Variants in SLC5A2 observed in about 807,000 individuals in gnomAD.
SLC5A2 encodes the protein solute carrier family 5 member 2, also known as sodium/glucose cotransporter 2.
In SLC5A2, 67 loss-of-function variants were observed where a neutral mutation model predicts 69.0. The ratio of observed to expected loss-of-function variants is 0.97; its 90% confidence interval spans 0.80 to 1.19. SLC5A2 has a LOEUF of 1.19. SLC5A2 is among the 50% of genes most tolerant of loss of function. SLC5A2 has a pLI of 0.00. For synonymous variants in SLC5A2, 455 were observed against 395.8 expected (o/e 1.15, Z -1.78); for missense variants, 1,001 against 921.5 (o/e 1.09, Z -1.12).
At position 31,489,471 on chromosome 16, in the gene SLC5A2, G is replaced by C. The variant is rs948153024; in HGVS notation, c.1665+133G>C. The C allele has an allele frequency of 5.5e-5, 43 of 784,684 alleles. No individual in the cohort carries two copies. The African/African-American group carries it at 7.2e-4, about 13-fold the overall frequency. 48.6% of individuals were successfully genotyped at this position (784,684 alleles called of 1,614,324 possible). A position where few individuals can be genotyped will look rare whatever the true frequency, so the allele number is the denominator to read the frequency against. ...ATGGGCTGGGGGTCCAGCTGCAGTT[G>C]CAATTGCCGAGCAAGAATTTTTATT... On this transcript the variant is annotated intron_variant, in intron 12 of 13. Coordinates refer to ENST00000330498, the MANE Select transcript of SLC5A2 (RefSeq NM_003041.4).
rs775853950 is a variant in SLC5A2, at chr16:31,484,752, G to A, written c.198+8G>A. The A allele has an allele frequency of 6.2e-6, 10 of 1,610,482 alleles. No homozygotes were observed. Among genetic ancestry groups the A allele is most frequent in the East Asian group, 2.2e-5 (1 of 44,896 alleles). On this transcript the variant is annotated splice_region_variant and intron_variant, in intron 2 of 13. Coordinates refer to ENST00000330498, the MANE Select transcript of SLC5A2 (RefSeq NM_003041.4). ...AGCATGGTGTGGTGGCCGGTGAGAC[G>A]GGCTGGGCCGGGAACGGGAGGGGCC...
Position 31,490,726 on chromosome 16 carries a change from G to T in SLC5A2, c.*191G>T. The T allele has an allele frequency of 7.7e-7, 1 of 1,304,772 alleles. No homozygotes were observed. Among genetic ancestry groups the T allele is most frequent in the Non-Finnish European group, 1.1e-6 (1 of 909,696 alleles). 80.8% of individuals were successfully genotyped at this position (1,304,772 alleles called of 1,614,324 possible). On this transcript the variant is annotated 3_prime_UTR_variant, in exon 14 of 14. Transcript: ENST00000330498. ...CTTCCCATGAGGGCCTGGCCCACCC[G>T]CTGCAGTTGCCCTAAGGAAAAATAA...
At chr16:31,487,182 C>A in intron 5 of SLC5A2, 138 bp from the exon 6 acceptor site, 1 of 870,256 alleles carries the variant, frequency 1.1e-6, no homozygotes, top group South Asian at 1.4e-5. Context: ...CGTGCATGAG[C>A]CCCGAGAACA....
intron 12 of SLC5A2, chr16:31,489,660 G>A (rs2082542281): frequency 1.4e-5 from 7 of 499,954 alleles, no homozygotes; most frequent in Non-Finnish European, 2.6e-5. Flanking sequence ...GTTTGGTTTT[G>A]TTGCCAAAGG....
In SLC5A2 at chr16:31,488,418, C is replaced by A. The variant is rs748992550; in HGVS notation, c.1057C>A (p.Arg353Ser). 9 of 1,611,740 alleles carry A rather than the reference C, an allele frequency of 5.6e-6. No individual in the cohort carries two copies. Among genetic ancestry groups the A allele is most frequent in the Non-Finnish European group, 7.6e-6 (9 of 1,179,750 alleles). ...VACVVPEVCR[R>S]VCGTEVGCSN... ...GTGCGTGGTGCCTGAGGTGTGCAGG[C>A]GCGTGTGCGGCACGGAGGTGGGCTG... Residue 353 changes from arginine to serine, a missense_variant, in exon 9 of 14, where the codon CGC becomes AGC. Physicochemically the swap from Arg to Ser is moderately radical, Grantham distance 110. Coordinates refer to ENST00000330498, the MANE Select transcript of SLC5A2 (RefSeq NM_003041.4).
intron 5 of SLC5A2, 148 bp from the exon 6 acceptor site, chr16:31,487,172 C>A: frequency 4.9e-6 from 4 of 809,018 alleles, no homozygotes; most frequent in Admixed American, 1.9e-5. Flanking sequence ...TTGGTGCCTG[C>A]GTGCATGAGC....
In SLC5A2 at chr16:31,484,816, C is replaced by T; in HGVS notation, c.199-3C>T. 6.2e-7 allele frequency: 1 copy of T among 1,613,050 alleles called. No homozygotes were observed. Among genetic ancestry groups the T allele is most frequent in the African/African-American group, 1.3e-5 (1 of 75,070 alleles). ...CTGCTCACTCCCTCCTCTGGCCACC[C>T]AGGTTGGGGCCTCTCTCTTCGCCAG... is the stretch of plus-strand genomic sequence containing the variant. On this transcript the variant is annotated splice_polypyrimidine_tract_variant and splice_region_variant and intron_variant, in intron 2 of 13. Transcript: ENST00000330498.
intron 1 of SLC5A2, 54 bp downstream of exon 1, chr16:31,483,316 G>C: frequency 6.2e-7 from 1 of 1,609,622 alleles, no homozygotes. Context: ...GGGCCTGGGG[G>C]AAAAGTCTCA....
At chr16:31,489,069 G>A (rs762108039) in intron 11 of SLC5A2, 21 bp downstream of exon 11, 5 of 1,602,350 alleles carry the variant, frequency 3.1e-6, no homozygotes, top group Middle Eastern at 1.6e-4. Context: ...CGCGCGTGGT[G>A]ACGGCAGGGC....
At position 31,488,868 on chromosome 16, in the gene SLC5A2, C is replaced by T. The variant is rs1383291549; in HGVS notation, c.1281-12C>T. The T allele has an allele frequency of 1.9e-5, 30 of 1,604,116 alleles. No individual in the cohort carries two copies. The highest frequency in any genetic ancestry group is 2.2e-5 in the Non-Finnish European group (26 of 1,179,796). On this transcript the variant is annotated splice_polypyrimidine_tract_variant and intron_variant, in intron 10 of 13. Coordinates refer to ENST00000330498, the MANE Select transcript of SLC5A2 (RefSeq NM_003041.4). ...CCAGGGTCCGGGTTCGATCCGACGG[C>T]CTCCGCCGCAGGCTCTGGGTGGTGT...
intron 12 of SLC5A2, 36 bp from the exon 13 acceptor site, chr16:31,490,068 G>T: frequency 1.9e-6 from 3 of 1,612,158 alleles, no homozygotes; most frequent in South Asian, 1.1e-5. Flanking sequence ...TGGGGGGACA[G>T]AACTCCCACC....
chr16:31,488,108 A>T lies in SLC5A2; in HGVS notation c.956A>T (p.Tyr319Phe), dbSNP rs1439377979. The T allele has an allele frequency of 6.2e-7, 1 of 1,614,030 alleles. No individual in the cohort carries two copies. The highest frequency in any genetic ancestry group is 8.5e-7 in the Non-Finnish European group (1 of 1,179,954). Residue 319 changes from tyrosine (Y) to phenylalanine (F), a missense_variant, in exon 8 of 14, where the codon TAC (tyrosine) becomes TTC (phenylalanine). Transcript: ENST00000330498. ...HIKAGCILCG[Y>F]LKLTPMFLMV... is the part of the protein sequence containing the mutation. ...AAGGCGGGCTGCATCCTGTGTGGGT[A>T]CCTGAAGCTGACGCCCATGTTTCTC...
Position 31,488,081 on chromosome 16 carries a change from T to G in SLC5A2, c.929T>G (p.Ile310Ser). Residue 310 changes from isoleucine (I) to serine (S), a missense_variant, in exon 8 of 14, where the codon ATC (isoleucine) becomes AGC (serine). Transcript: ENST00000330498. Reference sequence around the variant, plus strand: ...CTGGCCGGGAAGAGCCTGACCCACATCAAGGCGGGCTGCATCCTGTGTGGG... The same window carrying G: ...CTGGCCGGGAAGAGCCTGACCCACAGCAAGGCGGGCTGCATCCTGTGTGGG... Reference protein sequence around the residue: ...RCLAGKSLTHIKAGCILCGYL... With the variant: ...RCLAGKSLTHSKAGCILCGYL... The G allele has an allele frequency of 6.2e-7, 1 of 1,613,970 alleles. No homozygotes were observed. The highest frequency in any genetic ancestry group is 1.1e-5 in the South Asian group (1 of 91,082).
chr16:31,483,465 C>CCT (rs2082471624), intron 1 of SLC5A2, among the ~76,000 whole-genome samples: 1 of 152,182 alleles, frequency 6.6e-6, no homozygotes, highest in Non-Finnish European at 1.5e-5. Context: ...ACTGTGCTAG[C>CCT]TGAAGGGGTC....
intron 12 of SLC5A2, 142 bp downstream of exon 12, chr16:31,489,480 G>C: frequency 2.7e-6 from 2 of 738,250 alleles, no homozygotes; most frequent in South Asian, 3.1e-5. Flanking sequence ...TGCAATTGCC[G>C]AGCAAGAATT....
In SLC5A2 at chr16:31,487,734, C is replaced by G; in HGVS notation, c.860C>G (p.Ser287Trp). ...PALLLGLTIV[S>W]GWYWCSDQVI... ...CTGCTCCTCGGACTCACAATCGTCT[C>G]GGGCTGGTACTGGTGCAGCGACCAG... The change falls in exon 7 of 14, where the codon TCG (serine) becomes TGG (tryptophan). Residue 287 changes from serine (S) to tryptophan (W), a missense_variant. Coordinates refer to ENST00000330498, the MANE Select transcript of SLC5A2 (RefSeq NM_003041.4). The G allele has an allele frequency of 6.2e-7, 1 of 1,611,442 alleles. No individual in the cohort carries two copies.
chr16:31,484,065 G>A (rs1029647253), intron 1 of SLC5A2, among the ~76,000 whole-genome samples: 9 of 152,082 alleles, frequency 5.9e-5, no homozygotes, highest in African/African-American at 1.4e-4. Context: ...CTCCAGCCTA[G>A]GAGACAGAGC....
In SLC5A2 at chr16:31,484,878, G is replaced by A. The variant is rs148782928; in HGVS notation, c.258G>A (p.Gly86=). The A allele has an allele frequency of 4.9e-5, 79 of 1,614,066 alleles. No individual in the cohort carries two copies. The highest frequency in any genetic ancestry group is 6.4e-5 in the Non-Finnish European group (75 of 1,180,064). ...IGSGHFVGLA[G]TGAASGLAVA... ...GTGGCCACTTTGTGGGCCTGGCAGG[G>A]ACTGGCGCTGCAAGTGGCTTGGCTG... The change falls in exon 3 of 14, where the codon GGG becomes GGA. Residue 86 remains glycine, a synonymous_variant. Coordinates refer to ENST00000330498, the MANE Select transcript of SLC5A2 (RefSeq NM_003041.4).
At position 31,487,607 on chromosome 16, in the gene SLC5A2, G is replaced by C; in HGVS notation, c.733G>C (p.Asp245His). The change falls in exon 7 of 14, where the codon GAT becomes CAT. Residue 245 changes from aspartate to histidine, a missense_variant. Coordinates refer to ENST00000330498, the MANE Select transcript of SLC5A2 (RefSeq NM_003041.4). ...GAATSLTVSE[D>H]PAVGNISSFC... ...AGCGACTTCGCTGACGGTGTCCGAG[G>C]ATCCAGCCGTGGGAAACATCTCCAG... 2 of 1,613,886 alleles carry C rather than the reference G, an allele frequency of 1.2e-6. No homozygotes were observed. The highest frequency in any genetic ancestry group is 8.5e-7 in the Non-Finnish European group (1 of 1,180,000).
Sources: allele counts gnomAD v4.1 joint callset (sites outside exome capture counted in the v4.1 genomes callset), GRCh38; gene constraint gnomAD v4.1.1; transcripts MANE v1.5; gene names NCBI Gene and HGNC (gene_info 2026-07-23, HGNC 2026-07-21).